The following ST6GAL2 variants were observed in gnomAD, a reference collection of about 807,000 sequenced individuals.
The protein encoded by ST6GAL2 is ST6 beta-galactoside alpha-2,6-sialyltransferase 2, also known as beta-galactoside alpha-2,6-sialyltransferase 2.
Under a neutral mutation model 37.5 loss-of-function variants are expected in ST6GAL2, and 24 were observed. That is an observed-to-expected ratio of 0.64 (90% CI 0.46 to 0.90). The LOEUF is 0.90. Among genes scored for constraint, ST6GAL2 ranks in the 40% least tolerant of loss-of-function variants. The pLI, the probability that ST6GAL2 is intolerant of heterozygous loss-of-function variation, is 0.00. For synonymous variants in ST6GAL2, 306 were observed against 295.1 expected (o/e 1.04, Z -0.38); for missense variants, 715 against 712.7 (o/e 1.00, Z -0.04).
rs570438066 is a variant in ST6GAL2 at position 106,862,581 on chromosome 2, A to T, written c.-57-18547T>A. Among the ~76,000 whole-genome samples, 9 of 152,318 alleles carry T rather than the reference A, an allele frequency of 5.9e-5. 1 individual carries two copies. Among genetic ancestry groups the T allele is most frequent in the African/African-American group, 2.2e-4 (9 of 41,578 alleles). On this transcript the variant is annotated intron_variant, in intron 1 of 5. Transcript: ENST00000409382. ...TCTCTCAGAATGTAAAGTTCAAGTT[A>T]AGGCATGTATGGCTACTATGGGTTT...
In ST6GAL2 at chr2:106,830,252, A is replaced by G; in HGVS notation, c.1144-12T>C. ...GGTTTTTTGTACCACTAAGGAAAAA[A>G]AAATCAATGCAGTCAAGTAGAAAGA... On this transcript the variant is annotated splice_polypyrimidine_tract_variant and intron_variant, in intron 4 of 5. Transcript: ENST00000409382. 1 of 1,604,022 alleles carries G rather than the reference A, an allele frequency of 6.2e-7. No homozygotes were observed. The highest frequency in any genetic ancestry group is 8.5e-7 in the Non-Finnish European group (1 of 1,176,174).
chr2:106,846,456 G>A (rs979371825), intron 1 of ST6GAL2, among the ~76,000 whole-genome samples: 4 of 152,222 alleles, frequency 2.6e-5, no homozygotes, highest in Middle Eastern at 3.4e-3. Flanking sequence ...TAATGGAAAT[G>A]TTAAATAAGT....
chr2:106,837,366 CCT>C lies in ST6GAL2; in HGVS notation c.944-3222_944-3221del, dbSNP rs575343441. ...CTGCCCTGACTTGTGCTAAGAAGCC[CCT>C]GTCTCATGCATCATTCATTGTGTTT... On this transcript the variant is annotated intron_variant, in intron 2 of 5. Coordinates refer to ENST00000409382, the MANE Select transcript of ST6GAL2 (RefSeq NM_001142351.2). 3.4e-3 allele frequency among the ~76,000 whole-genome samples: 514 copies of C among 152,218 alleles called. 2 individuals are homozygous for C. The highest frequency in any genetic ancestry group is 0.011 in the African/African-American group (446 of 41,528).
At chr2:106,828,938 T>C (rs1676306674) in intron 5 of ST6GAL2, among the ~76,000 whole-genome samples, 1 of 152,086 alleles carries the variant, frequency 6.6e-6, no homozygotes, top group East Asian at 1.9e-4. Context: ...TGGAAAACAA[T>C]GTAGGCCCAG....
upstream of ST6GAL2, chr2:106,886,924 T>C (rs1453941631): frequency 1.3e-5 from 2 of 152,340 alleles, no homozygotes; most frequent in African/African-American, 4.8e-5. Flanking sequence ...TAAAAAGGCG[T>C]GTTTCTCCCC....
chr2:106,809,824 A>G (rs1675544712), intron 5 of ST6GAL2, among the ~76,000 whole-genome samples: 1 of 152,228 alleles, frequency 6.6e-6, no homozygotes, highest in Admixed American at 6.5e-5. Context: ...TTTGGATGCC[A>G]TGGCTATGTG....
chr2:106,806,675 T>C lies in ST6GAL2; in HGVS notation c.*3A>G. On this transcript the variant is annotated 3_prime_UTR_variant, in exon 6 of 6. Coordinates refer to ENST00000409382, the MANE Select transcript of ST6GAL2 (RefSeq NM_001142351.2). ...TTGCACATTGATTCCCAAGAAACCC[T>C]TTTTAAGAGTGTGGAATGACTGGAC... The C allele has an allele frequency of 6.2e-7, 1 of 1,612,940 alleles. No individual in the cohort carries two copies. The highest frequency in any genetic ancestry group is 8.5e-7 in the Non-Finnish European group (1 of 1,179,190).
intron 5 of ST6GAL2, 72 bp from the exon 6 acceptor site, chr2:106,807,021 G>T: frequency 7.4e-7 from 1 of 1,357,108 alleles, no homozygotes; most frequent in Non-Finnish European, 1.0e-6. Context: ...TTGGGGGAGG[G>T]GTGGTGGTGA....
At chr2:106,887,030 C>G (rs114765781), upstream of ST6GAL2, 8 of 152,330 alleles carry the variant, frequency 5.3e-5, no homozygotes, top group Non-Finnish European at 8.8e-5. Context: ...ACTCGGGTCC[C>G]GGGCGGCGGC....
At chr2:106,863,517 G>A (rs1459199389) in intron 1 of ST6GAL2, among the ~76,000 whole-genome samples, 1 of 152,116 alleles carries the variant, frequency 6.6e-6, no homozygotes, top group East Asian at 1.9e-4. Flanking sequence ...AACGCACAAT[G>A]TTTCTGAGGC....
At chr2:106,840,662 A>G (rs1333146519) in intron 2 of ST6GAL2, among the ~76,000 whole-genome samples, 4 of 152,256 alleles carry the variant, frequency 2.6e-5, no homozygotes, top group Admixed American at 2.6e-4. Flanking sequence ...CTAGAAATTA[A>G]CAAAGATATA....
chr2:106,852,624 T>TG (rs1055278329), intron 1 of ST6GAL2, among the ~76,000 whole-genome samples: 1 of 151,872 alleles, frequency 6.6e-6, no homozygotes, highest in Non-Finnish European at 1.5e-5. Context: ...AGAAAATAAG[T>TG]GGGGGGAATG....
intron 4 of ST6GAL2, among the ~76,000 whole-genome samples, chr2:106,832,252 A>G (rs1480877977): frequency 6.6e-6 from 1 of 152,194 alleles, no homozygotes; most frequent in Non-Finnish European, 1.5e-5. Context: ...TCACAATGAA[A>G]CAATTCTGAG....
chr2:106,871,660 C>A (rs1422657900), intron 1 of ST6GAL2, among the ~76,000 whole-genome samples: 1 of 152,166 alleles, frequency 6.6e-6, no homozygotes. Flanking sequence ...CACAAACCCA[C>A]AAATTAGCCT....
intron 1 of ST6GAL2, among the ~76,000 whole-genome samples, chr2:106,844,531 T>C (rs1223180389): frequency 6.6e-6 from 1 of 151,412 alleles, no homozygotes; most frequent in South Asian, 2.1e-4. Context: ...TTCTAAGGAG[T>C]GACAACCCTA....
intron 1 of ST6GAL2, among the ~76,000 whole-genome samples, chr2:106,845,587 T>C (rs1021546670): frequency 1.3e-5 from 2 of 152,104 alleles, no homozygotes; most frequent in African/African-American, 4.8e-5. Context: ...AATGGTTGTG[T>C]TTTCACTAAA....
chr2:106,878,590 C>T (rs78687562), intron 1 of ST6GAL2, among the ~76,000 whole-genome samples: 6,356 of 152,182 alleles, frequency 0.042, 419 homozygotes, highest in African/African-American at 0.14. Flanking sequence ...AGTAAGACCC[C>T]TATCTCTCAA....
At chr2:106,849,404 CA>C (rs1677268121) in intron 1 of ST6GAL2, among the ~76,000 whole-genome samples, 1 of 152,110 alleles carries the variant, frequency 6.6e-6, no homozygotes, top group Non-Finnish European at 1.5e-5. Flanking sequence ...ATAAGCTGAC[CA>C]AACTCTTTGT....
At chr2:106,876,257 T>A (rs1678498634) in intron 1 of ST6GAL2, among the ~76,000 whole-genome samples, 1 of 152,226 alleles carries the variant, frequency 6.6e-6, no homozygotes, top group African/African-American at 2.4e-5. Context: ...TGGCTTGTAC[T>A]ACATTTTAAA....
Sources: gnomAD v4.1 joint callset for allele counts (sites outside exome capture counted in the v4.1 genomes callset) on GRCh38, gnomAD v4.1.1 for gene constraint, MANE v1.5 for transcripts, NCBI Gene and HGNC (gene_info 2026-07-23, HGNC 2026-07-21) for gene names.